The following SLC30A6 variants were observed in gnomAD, a reference collection of about 807,000 sequenced individuals.
The protein encoded by SLC30A6 is zinc transporter 6.
In SLC30A6, 55 loss-of-function variants were observed where a neutral mutation model predicts 63.0. That is an observed-to-expected ratio of 0.87 (90% CI 0.70 to 1.09). SLC30A6 has a LOEUF of 1.09. Ranked by LOEUF, SLC30A6 falls within the 50% of genes least tolerant of loss-of-function variation. The pLI, the probability that SLC30A6 is intolerant of heterozygous loss-of-function variation, is 0.00. For synonymous variants in SLC30A6, 224 were observed against 186.1 expected (o/e 1.20, Z -1.66); for missense variants, 587 against 549.2 (o/e 1.07, Z -0.69).
At chr2:32,190,042 G>A (rs1167064257) in intron 5 of SLC30A6, among the ~76,000 whole-genome samples, 2 of 152,092 alleles carry the variant, frequency 1.3e-5, no homozygotes. Flanking sequence ...TAAAATGCTT[G>A]TAAAAATCTT....
chr2:32,197,447 T>G, intron 9 of SLC30A6, 55 bp downstream of exon 9: 3 of 1,506,966 alleles, frequency 2.0e-6, no homozygotes, highest in Non-Finnish European at 2.8e-6. Flanking sequence ...ACACAAGAAA[T>G]GCATCTATCA....
At chr2:32,181,501 T>C (rs1209553285) in intron 4 of SLC30A6, among the ~76,000 whole-genome samples, 1 of 152,122 alleles carries the variant, frequency 6.6e-6, no homozygotes, top group Non-Finnish European at 1.5e-5. Context: ...GACACTGAAT[T>C]TTTCAGATTT....
Position 32,174,150 on chromosome 2 carries a change from A to ATG in SLC30A6, c.175+5_175+6dup. ...GTGCAGTTCTACTAATAGTATAGGT[A>ATG]TGTCACCTTTGTATTTTTATGGAGT... On this transcript the variant is annotated splice_donor_region_variant and intron_variant, in intron 3 of 13. Coordinates refer to ENST00000282587, the MANE Select transcript of SLC30A6 (RefSeq NM_017964.5). The ATG allele has an allele frequency of 1.9e-6, 3 of 1,602,594 alleles. No homozygotes were observed. Among genetic ancestry groups the ATG allele is most frequent in the Non-Finnish European group, 2.6e-6 (3 of 1,174,852 alleles).
rs542980214 is a variant in SLC30A6, at chr2:32,191,767, G to T, written c.285-569G>T. Among the ~76,000 whole-genome samples the T allele has an allele frequency of 2.0e-5, 3 of 152,236 alleles. No individual in the cohort carries two copies. In the South Asian group the frequency reaches 6.2e-4, roughly 32 times the overall value. On this transcript the variant is annotated intron_variant, in intron 5 of 13. Transcript: ENST00000282587. ...GAGCCAAGTGTGGTGGCACATGCCT[G>T]TAGTCCCATCTACTCGGGAGGCTGA...
At chr2:32,183,928 T>A (rs191600339) in intron 4 of SLC30A6, among the ~76,000 whole-genome samples, 1 of 152,316 alleles carries the variant, frequency 6.6e-6, no homozygotes, top group East Asian at 1.9e-4. Flanking sequence ...ATCATATGTG[T>A]CATTTTTTAG....
chr2:32,183,498 A>G (rs1232845395), intron 4 of SLC30A6, among the ~76,000 whole-genome samples: 1 of 151,778 alleles, frequency 6.6e-6, no homozygotes, highest in Non-Finnish European at 1.5e-5. Context: ...CCTGGCCAAC[A>G]TGACGAAACC....
intron 8 of SLC30A6, among the ~76,000 whole-genome samples, chr2:32,195,160 C>T (rs1683672174): frequency 1.5e-5 from 2 of 132,928 alleles, no homozygotes; most frequent in Non-Finnish European, 3.0e-5. Flanking sequence ...AGTGCAGTGG[C>T]GCAATCTTGG....
intron 11 of SLC30A6, 81 bp downstream of exon 11, chr2:32,204,773 C>T (rs1031422187): frequency 1.1e-5 from 6 of 522,058 alleles, no homozygotes; most frequent in East Asian, 4.1e-5. Context: ...TGTTGTTCTA[C>T]AAGATTGTGA....
At position 32,220,795 on chromosome 2, in the gene SLC30A6, TA is replaced by T; in HGVS notation, c.*84del. 8.1e-7 allele frequency: 1 copy of T among 1,239,898 alleles called. No homozygotes were observed. 76.8% of individuals were successfully genotyped at this position (1,239,898 alleles called of 1,614,324 possible). A position where few individuals can be genotyped will look rare whatever the true frequency, so the allele number is the denominator to read the frequency against. On this transcript the variant is annotated 3_prime_UTR_variant, in exon 14 of 14. Coordinates refer to ENST00000282587, the MANE Select transcript of SLC30A6 (RefSeq NM_017964.5). ...GTAATCCAACTTTGCATTGACTGTT[TA>T]ATCATTTACTCTAAATGTTAGATAA... is the stretch of plus-strand genomic sequence containing the variant.
chr2:32,183,054 G>T (rs1477973264), intron 4 of SLC30A6, among the ~76,000 whole-genome samples: 4 of 152,012 alleles, frequency 2.6e-5, no homozygotes, highest in African/African-American at 9.7e-5. Context: ...GGGCATGGTG[G>T]TGCATGCCTG....
At chr2:32,169,562 A>G (rs1269471060) in intron 1 of SLC30A6, among the ~76,000 whole-genome samples, 2 of 152,148 alleles carry the variant, frequency 1.3e-5, no homozygotes, top group African/African-American at 4.8e-5. Flanking sequence ...GCGGATCACG[A>G]GGTCAGGAGA....
chr2:32,212,151 C>T (rs1685307713), intron 13 of SLC30A6, among the ~76,000 whole-genome samples: 2 of 151,600 alleles, frequency 1.3e-5, no homozygotes, highest in African/African-American at 4.9e-5. Context: ...TTAAAGTATA[C>T]CTGTATGTTT....
chr2:32,218,518 C>CTGTTT (rs1260841368), intron 13 of SLC30A6, among the ~76,000 whole-genome samples: 8 of 136,162 alleles, frequency 5.9e-5, no homozygotes, highest in African/African-American at 1.1e-4. Context: ...CTCAGCTCTC[C>CTGTTT]TCTTTTGTTT....
intron 13 of SLC30A6, among the ~76,000 whole-genome samples, chr2:32,209,800 C>T (rs212686): frequency 0.5 from 75,922 of 151,846 alleles, 19,220 homozygotes; most frequent in African/African-American, 0.52. Context: ...GCAGTCCTCC[C>T]GCCTTAATCT....
chr2:32,194,332 CTTAGT>C (rs1456303935), intron 8 of SLC30A6, among the ~76,000 whole-genome samples: 4 of 152,102 alleles, frequency 2.6e-5, no homozygotes, highest in Non-Finnish European at 5.9e-5. Flanking sequence ...ACTTAGAATT[CTTAGT>C]TGATATGCTA....
chr2:32,168,246 C>T (rs1042852514), intron 1 of SLC30A6, among the ~76,000 whole-genome samples: 3 of 151,596 alleles, frequency 2.0e-5, no homozygotes, highest in African/African-American at 7.3e-5. Flanking sequence ...TTTTATAAAG[C>T]ACTGAAAACC....
intron 13 of SLC30A6, among the ~76,000 whole-genome samples, chr2:32,214,186 C>T (rs1180750709): frequency 2.0e-5 from 3 of 152,046 alleles, no homozygotes; most frequent in Admixed American, 6.6e-5. Context: ...CTGCCCGCCT[C>T]GGCCTCCCAA....
intron 12 of SLC30A6, among the ~76,000 whole-genome samples, chr2:32,209,201 A>G (rs1685043480): frequency 6.6e-6 from 1 of 152,246 alleles, no homozygotes; most frequent in African/African-American, 2.4e-5. Context: ...ATATGAAAAG[A>G]ACCATACACT....
chr2:32,199,689 T>TC (rs1263108722), intron 10 of SLC30A6, among the ~76,000 whole-genome samples: 1 of 152,022 alleles, frequency 6.6e-6, no homozygotes, highest in Non-Finnish European at 1.5e-5. Flanking sequence ...ATCCCCCACA[T>TC]CCCCCCAATA....
Sources: allele counts gnomAD v4.1 joint callset (sites outside exome capture counted in the v4.1 genomes callset), GRCh38; gene constraint gnomAD v4.1.1; transcripts MANE v1.5; gene names NCBI Gene and HGNC (gene_info 2026-07-23, HGNC 2026-07-21).